ZSWIM5: variants seen among roughly 807,000 people sequenced by gnomAD.
ZSWIM5 encodes zinc finger SWIM domain-containing protein 5.
A neutral mutation model predicts 119.6 loss-of-function variants in ZSWIM5; 55 were observed. The ratio of observed to expected loss-of-function variants is 0.46; its 90% CI spans 0.37 to 0.58. ZSWIM5 has a LOEUF of 0.58. ZSWIM5 is among the 20% of genes least tolerant of loss of function. The pLI, the probability that ZSWIM5 is intolerant of heterozygous loss-of-function variation, is 0.00. For synonymous variants in ZSWIM5, 537 were observed against 606.9 expected (o/e 0.88, Z 1.69); for missense variants, 1,193 against 1,512.8 (o/e 0.79, Z 3.51).
chr1:45,181,096 C>T (rs746543021), intron 1 of ZSWIM5, among the ~76,000 whole-genome samples: 14 of 152,006 alleles, frequency 9.2e-5, no homozygotes, highest in Non-Finnish European at 1.8e-4. Flanking sequence ...ATGACTTTGA[C>T]GAGTTGAGAA....
intron 1 of ZSWIM5, among the ~76,000 whole-genome samples, chr1:45,170,636 C>T (rs1645940975): frequency 6.6e-6 from 1 of 151,710 alleles, no homozygotes; most frequent in Non-Finnish European, 1.5e-5. Context: ...GCTATGTTGA[C>T]TAGGCTGGCT....
intron 1 of ZSWIM5, among the ~76,000 whole-genome samples, chr1:45,160,878 G>A (rs1645859612): frequency 6.8e-6 from 1 of 147,394 alleles, no homozygotes; most frequent in Non-Finnish European, 1.5e-5. Flanking sequence ...CTGGAGTGCA[G>A]TGGCAAGATC....
intron 1 of ZSWIM5, among the ~76,000 whole-genome samples, chr1:45,188,963 T>C (rs576660408): frequency 6.6e-6 from 1 of 152,354 alleles, no homozygotes; most frequent in South Asian, 2.1e-4. Flanking sequence ...ACATACTGGA[T>C]AACATTCTGG....
chr1:45,137,705 T>C (rs1645698096), intron 1 of ZSWIM5, among the ~76,000 whole-genome samples: 1 of 152,112 alleles, frequency 6.6e-6, no homozygotes, highest in African/African-American at 2.4e-5. Context: ...GAGGACATTA[T>C]GATTGGTGCA....
At chr1:45,198,552 C>A (rs1284041917) in intron 1 of ZSWIM5, among the ~76,000 whole-genome samples, 1 of 150,166 alleles carries the variant, frequency 6.7e-6, no homozygotes, top group Admixed American at 6.6e-5. Flanking sequence ...CCCAGGAAAG[C>A]TTTACCAGAG....
At chr1:45,020,340 C>A (rs1359643078) in intron 12 of ZSWIM5, among the ~76,000 whole-genome samples, 193 bp from the exon 13 acceptor site, 3 of 152,216 alleles carry the variant, frequency 2.0e-5, no homozygotes, top group Non-Finnish European at 4.4e-5. Context: ...TGATGATCTG[C>A]AGCAAAGTCC....
At chr1:45,071,671 C>G (rs1426322904) in intron 2 of ZSWIM5, among the ~76,000 whole-genome samples, 2 of 151,990 alleles carry the variant, frequency 1.3e-5, no homozygotes, top group East Asian at 3.9e-4. Context: ...GTTGCCCAGG[C>G]TGGTCTTGAA....
intron 1 of ZSWIM5, among the ~76,000 whole-genome samples, chr1:45,119,662 T>C (rs114290386): frequency 6.6e-6 from 1 of 152,198 alleles, no homozygotes; most frequent in Non-Finnish European, 1.5e-5. Context: ...TGACTTTCTT[T>C]CACTCATCGT....
At chr1:45,186,192 A>T (rs1646057309) in intron 1 of ZSWIM5, among the ~76,000 whole-genome samples, 1 of 144,718 alleles carries the variant, frequency 6.9e-6, no homozygotes, top group Non-Finnish European at 1.5e-5. Flanking sequence ...ATAGATGGGA[A>T]TTGAACAATG....
chr1:45,121,815 G>A (rs1204799990), intron 1 of ZSWIM5, among the ~76,000 whole-genome samples: 2 of 151,820 alleles, frequency 1.3e-5, no homozygotes, highest in Admixed American at 6.6e-5. Context: ...TCTAAATGAC[G>A]GGGCTCAAGT....
chr1:45,031,287 G>C (rs1644951557), intron 11 of ZSWIM5, among the ~76,000 whole-genome samples: 1 of 133,590 alleles, frequency 7.5e-6, no homozygotes, highest in African/African-American at 2.8e-5. Flanking sequence ...GATGATTATA[G>C]TACCTCAGCC....
intron 1 of ZSWIM5, among the ~76,000 whole-genome samples, chr1:45,171,479 T>C (rs956696080): frequency 2.0e-5 from 3 of 152,082 alleles, no homozygotes; most frequent in African/African-American, 7.2e-5. Flanking sequence ...ACATTGTCTC[T>C]GAAACGAAAG....
chr1:45,109,260 A>C (rs1463782127), intron 1 of ZSWIM5, among the ~76,000 whole-genome samples: 3 of 152,236 alleles, frequency 2.0e-5, no homozygotes, highest in African/African-American at 7.2e-5. Context: ...GGTTGTATAT[A>C]CATTCACATC....
chr1:45,023,129 G>A (rs1301865176), intron 11 of ZSWIM5, among the ~76,000 whole-genome samples: 1 of 152,180 alleles, frequency 6.6e-6, no homozygotes, highest in Non-Finnish European at 1.5e-5. Context: ...TTCACTCTGT[G>A]TTATACAGTT....
chr1:45,034,807 T>C (rs558604580), intron 10 of ZSWIM5, among the ~76,000 whole-genome samples: 1 of 152,138 alleles, frequency 6.6e-6, no homozygotes, highest in African/African-American at 2.4e-5. Flanking sequence ...TTTGAGACAG[T>C]GTCTCTCTCT....
At position 45,072,329 on chromosome 1, in the gene ZSWIM5, G is replaced by A. The variant is rs1306812292; in HGVS notation, c.953-12082C>T. On this transcript the variant is annotated intron_variant, in intron 2 of 13. Coordinates refer to ENST00000359600, the MANE Select transcript of ZSWIM5 (RefSeq NM_020883.2). The surrounding 1 kb of genome is among the most constrained non-coding windows in gnomAD (Gnocchi z 4.1). ...TATATATTCTTGTTATTAAGTCCTT[G>A]TCAGATGGGTAGTTTGCTAATATTT... Among the ~76,000 whole-genome samples, 30 of 151,808 alleles carry A rather than the reference G, an allele frequency of 2.0e-4. No individual in the cohort carries two copies. The highest frequency in any genetic ancestry group is 4.3e-4 in the Non-Finnish European group (29 of 68,020).
intron 1 of ZSWIM5, among the ~76,000 whole-genome samples, chr1:45,187,405 A>G (rs1646065473): frequency 6.6e-6 from 1 of 152,172 alleles, no homozygotes; most frequent in Admixed American, 6.5e-5. Context: ...ATTAAAAAAA[A>G]GTTGAAGCCC....
At chr1:45,158,423 C>T (rs566821937) in intron 1 of ZSWIM5, among the ~76,000 whole-genome samples, 1 of 152,302 alleles carries the variant, frequency 6.6e-6, no homozygotes, top group East Asian at 1.9e-4. Flanking sequence ...CCTGCCTTGG[C>T]CTCCCAAAGT....
chr1:45,160,489 A>C (rs1645856696), intron 1 of ZSWIM5, among the ~76,000 whole-genome samples: 1 of 152,088 alleles, frequency 6.6e-6, no homozygotes, highest in Admixed American at 6.6e-5. Flanking sequence ...CCATGAGATC[A>C]ACTTTTTTAG....
Sources: gnomAD v4.1 joint callset for allele counts (sites outside exome capture counted in the v4.1 genomes callset) on GRCh38, gnomAD v4.1.1 for gene constraint, Gnocchi (gnomAD v3.1) non-coding constraint, MANE v1.5 for transcripts, NCBI Gene and HGNC (gene_info 2026-07-23, HGNC 2026-07-21) for gene names.